The following NOL4L variants were observed in gnomAD, a reference collection of about 807,000 sequenced individuals.
NOL4L encodes nucleolar protein 4-like.
A neutral mutation model predicts 64.5 loss-of-function variants in NOL4L; 7 were observed. The observed-to-expected ratio is 0.11, with a 90% CI of 0.06 to 0.20. NOL4L has a LOEUF of 0.20. Among genes scored for constraint, NOL4L ranks in the 10% least tolerant of loss-of-function variants. NOL4L has a pLI of 1.00. For synonymous variants in NOL4L, 413 were observed against 401.0 expected (o/e 1.03, Z -0.36); for missense variants, 680 against 967.1 (o/e 0.70, Z 3.94).
rs796535654 is a variant in NOL4L, at chr20:32,571,186, T to G, written c.321+13384A>C. On this transcript the variant is annotated intron_variant, in intron 1 of 10. Transcript: ENST00000621426. The stretch of plus-strand genomic sequence containing the variant: ...TTGCTTTTTGTTATTGTGGGGGTTT[T>G]TTTGTTTGTTTGTTTGTTTTAGTTG... Among the ~76,000 whole-genome samples the G allele has an allele frequency of 5.3e-5, 8 of 152,206 alleles. No individual in the cohort carries two copies. In the East Asian group the frequency reaches 1.3e-3, roughly 26 times the overall value.
rs1206813375 is a variant in NOL4L, at chr20:32,488,747, TTTCCTTCCTTCCTTCCTTCCTTCC to T, written c.700-14029_700-14006del. On this transcript the variant is annotated intron_variant, in intron 4 of 10. Coordinates refer to ENST00000621426, the MANE Select transcript of NOL4L (RefSeq NM_001256798.2). ...TTCTTTCTTTCTTTTCTTTCTTTCT[TTTCCTTCCTTCCTTCCTTCCTTCC>T]TTCCTTCCTTCCTTCCTTCCTTTCT... 2.5e-4 allele frequency among the ~76,000 whole-genome samples: 27 copies of T among 106,900 alleles called. 1 individual carries two copies. Among genetic ancestry groups the T allele is most frequent in the African/African-American group, 9.6e-4 (25 of 26,148 alleles). The allele number at this position is 106,900 out of a possible 152,430, so 70.1% of individuals were successfully genotyped here. A position where few individuals can be genotyped will look rare whatever the true frequency, so the allele number is the denominator to read the frequency against.
intron 4 of NOL4L, among the ~76,000 whole-genome samples, chr20:32,502,319 G>A (rs757212250): frequency 6.6e-6 from 1 of 152,258 alleles, no homozygotes; most frequent in Non-Finnish European, 1.5e-5. Flanking sequence ...GAGGCCGGGT[G>A]TGGTGGCTCA....
intron 6 of NOL4L, among the ~76,000 whole-genome samples, chr20:32,455,603 G>A (rs926211768): frequency 2.6e-5 from 4 of 152,188 alleles, no homozygotes; most frequent in South Asian, 2.1e-4. Context: ...CAGGGGGGAT[G>A]CCCACTGGTA....
intron 3 of NOL4L, among the ~76,000 whole-genome samples, chr20:32,513,653 A>G (rs2017512558): frequency 6.6e-6 from 1 of 152,168 alleles, no homozygotes; most frequent in South Asian, 2.1e-4. Flanking sequence ...GCTTGACCCC[A>G]GGAGTTCAAG....
At chr20:32,484,628 C>T (rs1886718177) in intron 4 of NOL4L, among the ~76,000 whole-genome samples, 2 of 152,108 alleles carry the variant, frequency 1.3e-5, no homozygotes, top group Non-Finnish European at 2.9e-5. Flanking sequence ...CCAGCCCACA[C>T]CGGGCCGGGT....
chr20:32,474,816 ACCCCAGGG>A, intron 4 of NOL4L, 74 bp from the exon 5 acceptor site: 4 of 1,492,748 alleles, frequency 2.7e-6, no homozygotes, highest in Non-Finnish European at 3.6e-6. Context: ...TTGTGGGTGG[ACCCCAGGG>A]CCAGTGGGCG....
intron 1 of NOL4L, among the ~76,000 whole-genome samples, chr20:32,541,399 T>G (rs1475258757): frequency 6.6e-6 from 1 of 152,240 alleles, no homozygotes; most frequent in Admixed American, 6.5e-5. Flanking sequence ...AGTGAGTGAA[T>G]GAATGAAACC....
At chr20:32,496,191 C>G (rs1395560000) in intron 4 of NOL4L, among the ~76,000 whole-genome samples, 2 of 152,184 alleles carry the variant, frequency 1.3e-5, no homozygotes, top group African/African-American at 4.8e-5. Context: ...ACTGCTGTTC[C>G]TACCCCAGGG....
At chr20:32,516,166 C>T (rs543246295) in intron 3 of NOL4L, among the ~76,000 whole-genome samples, 5 of 152,036 alleles carry the variant, frequency 3.3e-5, no homozygotes, top group African/African-American at 7.2e-5. Context: ...CAGGGGTGGG[C>T]GTCGAAGGAT....
intron 1 of NOL4L, among the ~76,000 whole-genome samples, chr20:32,566,797 T>C (rs916921695): frequency 2.6e-5 from 4 of 152,202 alleles, no homozygotes; most frequent in African/African-American, 9.7e-5. Flanking sequence ...GCTTTACTTT[T>C]CTCCACGCAT....
intron 1 of NOL4L, among the ~76,000 whole-genome samples, chr20:32,577,072 T>C (rs1980164662): frequency 6.6e-6 from 1 of 152,194 alleles, no homozygotes; most frequent in African/African-American, 2.4e-5. Flanking sequence ...TTCCCTGGCC[T>C]GTCTGGTACC....
At position 32,453,068 on chromosome 20, in the gene NOL4L, G is replaced by T. The variant is rs901895399; in HGVS notation, c.1498-62C>A. 5 of 1,600,228 alleles carry T rather than the reference G, an allele frequency of 3.1e-6. No homozygotes were observed. The highest frequency in any genetic ancestry group is 4.3e-6 in the Non-Finnish European group (5 of 1,175,778). On this transcript the variant is annotated intron_variant, in intron 8 of 10. Transcript: ENST00000621426. The surrounding 1 kb of genome is among the most constrained non-coding windows in gnomAD (Gnocchi z 5.6). ...CGTGGGGGCCCTGGGCTTGTGCAGAGACCCTGCCCCAGGGGTGGGTGGCAC... is the reference window on the plus strand; with the variant it reads ...CGTGGGGGCCCTGGGCTTGTGCAGATACCCTGCCCCAGGGGTGGGTGGCAC...
At chr20:32,487,127 G>A (rs896921181) in intron 4 of NOL4L, among the ~76,000 whole-genome samples, 2 of 152,072 alleles carry the variant, frequency 1.3e-5, no homozygotes, top group African/African-American at 2.4e-5. Flanking sequence ...AATTGGACGG[G>A]CGTGGTGGCA....
At chr20:32,569,892 G>A (rs544120920) in intron 1 of NOL4L, among the ~76,000 whole-genome samples, 3 of 152,318 alleles carry the variant, frequency 2.0e-5, no homozygotes, top group South Asian at 2.1e-4. Context: ...CAATCAAAAT[G>A]TGCTGAACAA....
In NOL4L at chr20:32,527,725, CT is replaced by C. The variant is rs2018187003; in HGVS notation, c.477+32del. 4 of 1,529,058 alleles carry C rather than the reference CT, an allele frequency of 2.6e-6. No individual in the cohort carries two copies. The East Asian group carries it at 9.9e-5, about 38-fold the overall frequency. 94.7% of individuals were successfully genotyped at this position (1,529,058 alleles called of 1,614,324 possible). On this transcript the variant is annotated intron_variant, in intron 2 of 10. Transcript: ENST00000621426. ...CGTGGCCTCCTGCCAAGGCCTGGGG[CT>C]GCCAGTGGAGGCAAAGAGACAGAAA...
At chr20:32,529,001 G>C (rs1032229587) in intron 1 of NOL4L, among the ~76,000 whole-genome samples, 6 of 152,242 alleles carry the variant, frequency 3.9e-5, no homozygotes, top group African/African-American at 1.4e-4. Flanking sequence ...AAGAGGATGT[G>C]GGCTTCGCCT....
intron 5 of NOL4L, among the ~76,000 whole-genome samples, chr20:32,457,099 G>A (rs1303782453): frequency 1.3e-5 from 2 of 152,372 alleles, no homozygotes; most frequent in Non-Finnish European, 2.9e-5. Context: ...GCGTCTCAGG[G>A]TGGGCAGCCC....
intron 10 of NOL4L, among the ~76,000 whole-genome samples, chr20:32,448,573 C>T (rs2012549820): frequency 6.6e-6 from 1 of 152,164 alleles, no homozygotes; most frequent in Non-Finnish European, 1.5e-5. Context: ...CTCGAATCCC[C>T]CCTCCTGGGA....
intron 4 of NOL4L, chr20:32,475,108 T>C (rs1178538501): frequency 2.7e-5 from 27 of 985,298 alleles, no homozygotes; most frequent in Non-Finnish European, 1.2e-6. Context: ...GGACCGGGGC[T>C]CACTCTGCAC....
Sources: allele counts gnomAD v4.1 joint callset (sites outside exome capture counted in the v4.1 genomes callset), GRCh38; gene constraint gnomAD v4.1.1; non-coding constraint Gnocchi (gnomAD v3.1); transcripts MANE v1.5; gene names NCBI Gene and HGNC (gene_info 2026-07-23, HGNC 2026-07-21).